The following MBP variants were observed in gnomAD, a reference collection of about 807,000 sequenced individuals.
MBP encodes the protein Golli-MBP.
Under a neutral mutation model 35.8 loss-of-function variants are expected in MBP, and 16 were observed. That is an observed-to-expected ratio of 0.45 (90% CI 0.30 to 0.68). The LOEUF (loss-of-function observed/expected upper bound fraction) is 0.68. Among genes scored for constraint, MBP ranks in the 30% least tolerant of loss-of-function variants. The pLI is 0.08. For synonymous variants in MBP, 143 were observed against 159.6 expected, an observed-to-expected ratio of 0.90 and a Z score of 0.78; for missense variants, 380 against 404.7, an observed-to-expected ratio of 0.94 and a Z score of 0.52.
At chr18:77,064,149 A>G (rs1023803778) in intron 3 of MBP, among the ~76,000 whole-genome samples, 11 of 152,296 alleles carry the variant, frequency 7.2e-5, no homozygotes, top group African/African-American at 2.4e-4. Flanking sequence ...TGTATGAGTA[A>G]AGAGATCATC....
At chr18:76,991,619 C>T (rs1259271242) in intron 4 of MBP, among the ~76,000 whole-genome samples, 1 of 152,122 alleles carries the variant, frequency 6.6e-6, no homozygotes, top group Non-Finnish European at 1.5e-5. Flanking sequence ...GTTTTCCCCT[C>T]GCTTTCTCAC....
chr18:77,016,388 A>G (rs1245307509), intron 4 of MBP: 1 of 998,260 alleles, frequency 1.0e-6, no homozygotes, highest in East Asian at 1.0e-4. Flanking sequence ...ATTGTCGCAG[A>G]GCAACATGAA....
At chr18:77,063,734 G>A (rs1974078184) in intron 3 of MBP, among the ~76,000 whole-genome samples, 1 of 152,086 alleles carries the variant, frequency 6.6e-6, no homozygotes, top group Non-Finnish European at 1.5e-5. Flanking sequence ...TTCAATCCTA[G>A]GTAATAACTC....
In MBP at chr18:76,989,956, A is replaced by C; in HGVS notation, c.681T>G (p.Ile227Met). 6.2e-7 allele frequency: 1 copy of C among 1,610,024 alleles called. No homozygotes were observed. The highest frequency in any genetic ancestry group is 8.5e-7 in the Non-Finnish European group (1 of 1,178,042). Residue 227 changes from isoleucine (I) to methionine (M), a missense_variant and splice_region_variant, in exon 5 of 9, where the codon ATT (isoleucine) becomes ATG (methionine). Transcript: ENST00000355994. The surrounding 1 kb of genome is among the most constrained non-coding windows in gnomAD (Gnocchi z 4.0). ...ENPVVHFFKN[I>M]VTPRTPPPSQ... ...CCTCTTCCCATCGATCGTCACTTACAATGTTCTTGAAGAAGTGGACTACGG... is the reference window on the plus strand; with the variant it reads ...CCTCTTCCCATCGATCGTCACTTACCATGTTCTTGAAGAAGTGGACTACGG...
In MBP at chr18:77,093,975, T is replaced by C. The variant is rs544198391; in HGVS notation, c.51+11236A>G. ...TTCACGGGTTTTTAAAGGGTCTTTT[T>C]TTCTTCTTTTTTTTTTTTTGACACG... On this transcript the variant is annotated intron_variant, in intron 2 of 8. Coordinates refer to ENST00000355994, the MANE Select transcript of MBP (RefSeq NM_001025101.2). Among the ~76,000 whole-genome samples the C allele has an allele frequency of 3.4e-3, 431 of 127,706 alleles. 2 individuals carry two copies. Among genetic ancestry groups the C allele is most frequent in the South Asian group, 5.3e-3 (18 of 3,386 alleles). 83.8% of individuals were successfully genotyped at this position (127,706 alleles called of 152,430 possible).
chr18:77,029,237 C>T (rs1171857700), intron 3 of MBP, among the ~76,000 whole-genome samples: 3 of 147,958 alleles, frequency 2.0e-5, no homozygotes, highest in Non-Finnish European at 3.0e-5. Flanking sequence ...AGCGAAACCC[C>T]GGCTCCACCA....
At chr18:77,132,268 A>T (rs910356496) in intron 1 of MBP, among the ~76,000 whole-genome samples, 1 of 150,928 alleles carries the variant, frequency 6.6e-6, no homozygotes, top group African/African-American at 2.5e-5. Context: ...GGCGCTGTAA[A>T]CCCGCGTCTA....
chr18:77,009,983 C>G, intron 4 of MBP: 1 of 1,220,560 alleles, frequency 8.2e-7, no homozygotes, highest in Non-Finnish European at 1.2e-6. Flanking sequence ...CCGGCAATGC[C>G]CCAAAGTCCT....
chr18:77,016,435 C>A, intron 4 of MBP: 1 of 1,040,858 alleles, frequency 9.6e-7, no homozygotes. Context: ...ACGAGCATAA[C>A]CCAGTGTTGA....
Position 77,093,599 on chromosome 18 carries a change from A to G in MBP, c.51+11612T>C, listed in dbSNP as rs558553833. On this transcript the variant is annotated intron_variant, in intron 2 of 8. Transcript: ENST00000355994. ...CCTTCAGGTGTGCTTTCCACCAAGC[A>G]TGGACGAGAGACTTCCTTCGTGAAT... Among the ~76,000 whole-genome samples, 15 of 152,352 alleles carry G rather than the reference A, an allele frequency of 9.8e-5. 1 individual carries two copies. Among genetic ancestry groups the G allele is most frequent in the African/African-American group, 3.6e-4 (15 of 41,584 alleles).
chr18:77,038,760 T>C (rs200509916), intron 3 of MBP, among the ~76,000 whole-genome samples: 6 of 152,276 alleles, frequency 3.9e-5, no homozygotes, highest in East Asian at 1.9e-4. Flanking sequence ...ACTTTCTTGA[T>C]GCAAGAATTA....
chr18:77,069,009 A>G, intron 2 of MBP: 1 of 484,484 alleles, frequency 2.1e-6, no homozygotes. Context: ...CATGGCTTCC[A>G]GGCTCCCAGC....
chr18:77,052,946 C>T (rs139778697), intron 3 of MBP, among the ~76,000 whole-genome samples: 2,104 of 152,380 alleles, frequency 0.014, 25 homozygotes, highest in South Asian at 0.02. Flanking sequence ...TGTGGAGCCA[C>T]TGGCAAGGTT....
At chr18:77,092,091 A>G (rs556558346) in intron 2 of MBP, among the ~76,000 whole-genome samples, 11 of 152,402 alleles carry the variant, frequency 7.2e-5, no homozygotes, top group Non-Finnish European at 1.6e-4. Context: ...TAGTAAAAGC[A>G]AGCACAGATT....
At chr18:77,041,815 T>A (rs1437502538) in intron 3 of MBP, among the ~76,000 whole-genome samples, 1 of 146,906 alleles carries the variant, frequency 6.8e-6, no homozygotes, top group Non-Finnish European at 1.5e-5. Flanking sequence ...CATTAGGAGA[T>A]ATACCTAATG....
At chr18:77,085,637 C>A (rs1420887530) in intron 2 of MBP, among the ~76,000 whole-genome samples, 1 of 150,174 alleles carries the variant, frequency 6.7e-6, no homozygotes, top group Non-Finnish European at 1.5e-5. Context: ...AACATAAAAT[C>A]TTCTTAAGTA....
At chr18:76,990,601 G>A (rs1194004059) in intron 4 of MBP, among the ~76,000 whole-genome samples, 1 of 152,190 alleles carries the variant, frequency 6.6e-6, no homozygotes, top group Non-Finnish European at 1.5e-5. Flanking sequence ...TTGAGGACAA[G>A]GCCCATGGAG....
intron 2 of MBP, 154 bp from the exon 3 acceptor site, chr18:77,066,539 G>C: frequency 1.3e-6 from 1 of 772,368 alleles, no homozygotes; most frequent in Non-Finnish European, 2.4e-6. Context: ...GTTCAGAGGA[G>C]GGTTTTCTGC....
chr18:77,035,503 C>T (rs1412584321), intron 3 of MBP, among the ~76,000 whole-genome samples: 1 of 152,238 alleles, frequency 6.6e-6, no homozygotes, highest in East Asian at 1.9e-4. Flanking sequence ...AGGAATCAGC[C>T]TTTGGCTGAG....
Sources: gnomAD v4.1 joint callset for allele counts (sites outside exome capture counted in the v4.1 genomes callset) on GRCh38, gnomAD v4.1.1 for gene constraint, Gnocchi (gnomAD v3.1) non-coding constraint, MANE v1.5 for transcripts, NCBI Gene and HGNC (gene_info 2026-07-23, HGNC 2026-07-21) for gene names.